The following PDE11A variants were observed in gnomAD, a reference collection of about 807,000 sequenced individuals.
PDE11A encodes dual 3',5'-cyclic-AMP and -GMP phosphodiesterase 11A.
PDE11A carries 100 observed loss-of-function variants against 100.5 expected under a neutral mutation model. The ratio of observed to expected loss-of-function variants is 1.00; its 90% CI spans 0.85 to 1.18. The LOEUF (loss-of-function observed/expected upper bound fraction) is 1.18, where lower values mean the gene tolerates loss of function less well. Ranked by LOEUF, PDE11A falls within the 50% of genes most tolerant of loss-of-function variation. The pLI, the probability that PDE11A is intolerant of heterozygous loss-of-function variation, is 0.00. For missense variants in PDE11A, 1,141 were observed against 1,152.6 expected (o/e 0.99, Z 0.15); for synonymous variants, 381 against 420.8 (o/e 0.91, Z 1.16).
chr2:178,067,540 T>G (rs957458191), intron 1 of PDE11A, among the ~76,000 whole-genome samples: 1 of 152,174 alleles, frequency 6.6e-6, no homozygotes, highest in African/African-American at 2.4e-5. Context: ...GGACTTGGAA[T>G]CACTTCTCCC....
chr2:177,754,096 G>A (rs568947737), intron 10 of PDE11A, among the ~76,000 whole-genome samples: 1 of 152,138 alleles, frequency 6.6e-6, no homozygotes, highest in South Asian at 2.1e-4. Context: ...TTCCTTAAAG[G>A]CAGCAGCTTC....
chr2:177,685,818 C>T (rs144556216), intron 15 of PDE11A, among the ~76,000 whole-genome samples: 1,981 of 152,248 alleles, frequency 0.013, 52 homozygotes, highest in African/African-American at 0.044. Context: ...CCACCTGCCT[C>T]GGCCTCCCAT....
chr2:177,631,586 CACACACAT>C (rs1559117557), intron 19 of PDE11A, among the ~76,000 whole-genome samples: 550 of 28,354 alleles, frequency 0.019, 27 homozygotes, highest in Middle Eastern at 0.038. Context: ...TATATATATA[CACACACAT>C]ATATATGTGT....
At chr2:177,643,752 C>T (rs2080180394) in intron 19 of PDE11A, among the ~76,000 whole-genome samples, 1 of 152,094 alleles carries the variant, frequency 6.6e-6, no homozygotes, top group African/African-American at 2.4e-5. Context: ...GGCCCAGAGT[C>T]CTAGGAAGAA....
intron 19 of PDE11A, among the ~76,000 whole-genome samples, chr2:177,632,220 G>C (rs2079962067): frequency 6.6e-6 from 1 of 152,210 alleles, no homozygotes; most frequent in Admixed American, 6.5e-5. Flanking sequence ...TCTTGAAATT[G>C]TATGGCTTCA....
chr2:177,953,108 C>A (rs2085523555), intron 2 of PDE11A: 1 of 152,086 alleles, frequency 6.6e-6, no homozygotes, highest in Admixed American at 6.6e-5. Context: ...AACTCATGAA[C>A]TCAGGTGTAG....
chr2:178,038,639 G>A (rs1216784601), intron 1 of PDE11A, among the ~76,000 whole-genome samples: 1 of 152,054 alleles, frequency 6.6e-6, no homozygotes, highest in Non-Finnish European at 1.5e-5. Context: ...GGTTGAGGGG[G>A]AGTCATTCAC....
At chr2:177,729,848 T>C (rs1022863806) in intron 10 of PDE11A, among the ~76,000 whole-genome samples, 1 of 148,778 alleles carries the variant, frequency 6.7e-6, no homozygotes, top group African/African-American at 2.5e-5. Context: ...CCCTTTTCTT[T>C]TTTCCCCCTT....
intron 2 of PDE11A, among the ~76,000 whole-genome samples, chr2:177,963,091 G>A (rs2085655711): frequency 6.6e-6 from 1 of 152,100 alleles, no homozygotes; most frequent in Admixed American, 6.6e-5. Context: ...AATAAAATCT[G>A]GCAGTCAGTA....
intron 13 of PDE11A, 24 bp downstream of exon 13, chr2:177,711,745 A>C: frequency 8.0e-7 from 1 of 1,251,968 alleles, no homozygotes; most frequent in Middle Eastern, 1.9e-4. Flanking sequence ...ATGCATTAAA[A>C]TAACAACAGT....
chr2:177,648,436 C>A, intron 19 of PDE11A, among the ~76,000 whole-genome samples: 1 of 152,238 alleles, frequency 6.6e-6, no homozygotes, highest in Non-Finnish European at 1.5e-5. Flanking sequence ...AATTAAACTT[C>A]CTAATGGGCA....
intron 19 of PDE11A, among the ~76,000 whole-genome samples, chr2:177,651,644 T>C (rs1226563090): frequency 2.0e-5 from 3 of 152,148 alleles, no homozygotes; most frequent in Non-Finnish European, 4.4e-5. Context: ...TTCTCCCTCC[T>C]GCTGTCTCTC....
rs546566822 is a variant in PDE11A at position 178,039,578 on chromosome 2, G to A, written c.913-25118C>T. On this transcript the variant is annotated intron_variant, in intron 1 of 19. Coordinates refer to ENST00000286063, the MANE Select transcript of PDE11A (RefSeq NM_016953.4). The stretch of plus-strand genomic sequence containing the variant: ...TACAAAAATGAATAGTTAAAAGTCT[G>A]CGGTCATGCAAATATGATGCCAAGA... Among the ~76,000 whole-genome samples, 4 of 151,972 alleles carry A rather than the reference G, an allele frequency of 2.6e-5. No homozygotes were observed. In the South Asian group the frequency reaches 6.2e-4, roughly 24 times the overall value.
At chr2:177,928,201 G>A (rs1286082898) in intron 2 of PDE11A, among the ~76,000 whole-genome samples, 1 of 150,830 alleles carries the variant, frequency 6.6e-6, no homozygotes. Context: ...ACAATCACTT[G>A]ACAGAATGTA....
chr2:178,095,357 A>C (rs1362630499), intron 2 of PDE11A, among the ~76,000 whole-genome samples: 3 of 152,246 alleles, frequency 2.0e-5, no homozygotes, highest in African/African-American at 7.2e-5. Flanking sequence ...GTCAAATCTT[A>C]AAGCTCCAAA....
At chr2:178,047,101 T>C (rs1243266724) in intron 1 of PDE11A, among the ~76,000 whole-genome samples, 1 of 152,110 alleles carries the variant, frequency 6.6e-6, no homozygotes, top group Non-Finnish European at 1.5e-5. Context: ...TAGTTGTCTA[T>C]ATCCTTTATT....
intron 9 of PDE11A, among the ~76,000 whole-genome samples, chr2:177,809,172 T>C (rs1028951334): frequency 6.6e-6 from 1 of 152,144 alleles, no homozygotes; most frequent in Non-Finnish European, 1.5e-5. Context: ...GAAAAAGTTC[T>C]GGAGATGGAT....
At chr2:177,871,988 T>A (rs10202419) in intron 5 of PDE11A, among the ~76,000 whole-genome samples, 5,861 of 152,278 alleles carry the variant, frequency 0.038, 382 homozygotes, top group African/African-American at 0.13. Context: ...TAACTATTAA[T>A]GTGACTCTAT....
At chr2:177,643,892 G>A (rs1000897184) in intron 19 of PDE11A, among the ~76,000 whole-genome samples, 1 of 152,256 alleles carries the variant, frequency 6.6e-6, no homozygotes, top group African/African-American at 2.4e-5. Flanking sequence ...GGCTTCAGAG[G>A]GTGCAAGCCC....
Sources: gnomAD v4.1 joint callset for allele counts (sites outside exome capture counted in the v4.1 genomes callset) on GRCh38, gnomAD v4.1.1 for gene constraint, MANE v1.5 for transcripts, NCBI Gene and HGNC (gene_info 2026-07-23, HGNC 2026-07-21) for gene names.